BCAS1: variants seen among roughly 807,000 people sequenced by gnomAD.
The protein encoded by BCAS1 is brain enriched myelin associated protein 1, also known as breast carcinoma-amplified sequence 1.
A neutral mutation model predicts 65.4 loss-of-function variants in BCAS1; 46 were observed. That is an observed-to-expected ratio of 0.70 (90% confidence interval 0.55 to 0.90). The LOEUF is 0.90. BCAS1 is among the 40% of genes least tolerant of loss of function. BCAS1 has a pLI of 0.00. For missense variants in BCAS1, 793 were observed against 771.2 expected, an observed-to-expected ratio of 1.03 and a Z score of -0.33; for synonymous variants, 298 against 293.5, an observed-to-expected ratio of 1.02 and a Z score of -0.16.
rs773216599 is a variant in BCAS1 at position 53,995,891 on chromosome 20, C to A, written c.882+1G>T. 21 of 1,595,106 alleles carry A rather than the reference C, an allele frequency of 1.3e-5. No homozygotes were observed. Among genetic ancestry groups the A allele is most frequent in the Non-Finnish European group, 1.7e-5 (20 of 1,170,722 alleles). On this transcript the variant is annotated splice_donor_variant, in intron 5 of 12. Coordinates refer to ENST00000688948, the MANE Select transcript of BCAS1 (RefSeq NM_001366298.2). LOFTEE classifies it high-confidence loss of function. ...GGGGAAAAGAGGAGAAAACTGCTTA[C>A]CAGAGTTTTAAAGAAACTCATGATG...
intron 3 of BCAS1, among the ~76,000 whole-genome samples, chr20:54,039,311 AG>A (rs2091950571): frequency 6.6e-6 from 1 of 151,598 alleles, no homozygotes; most frequent in Non-Finnish European, 1.5e-5. Context: ...GTCTTTGCCA[AG>A]AAATTCTAGC....
intron 9 of BCAS1, among the ~76,000 whole-genome samples, chr20:53,973,806 AAGGAAGGAAGG>A (rs1276460165): frequency 2.6e-5 from 4 of 152,154 alleles, no homozygotes; most frequent in Non-Finnish European, 5.9e-5. Context: ...GAAAAGAAGG[AAGGAAGGAAGG>A]AGGAAGGAAG....
At position 53,977,273 on chromosome 20, in the gene BCAS1, A is replaced by G. The variant is rs561458760; in HGVS notation, c.1276-1843T>C. ...AATTTGAGATGAGATTTGGGTGGGG[A>G]CACAGCCAAACCATATCAGATACTT... On this transcript the variant is annotated intron_variant, in intron 8 of 12. Transcript: ENST00000688948. 5.4e-4 allele frequency among the ~76,000 whole-genome samples: 83 copies of G among 152,300 alleles called. 1 individual carries two copies. Among genetic ancestry groups the G allele is most frequent in the Non-Finnish European group, 9.6e-4 (65 of 68,026 alleles).
chr20:54,041,134 A>G (rs2091983203), intron 3 of BCAS1, among the ~76,000 whole-genome samples: 1 of 151,394 alleles, frequency 6.6e-6, no homozygotes, highest in South Asian at 2.1e-4. Flanking sequence ...AGGCAAATCC[A>G]TAGAGGCAGA....
At chr20:53,946,297 G>A (rs765157285) in intron 12 of BCAS1, among the ~76,000 whole-genome samples, 1 of 151,686 alleles carries the variant, frequency 6.6e-6, no homozygotes, top group Non-Finnish European at 1.5e-5. Flanking sequence ...GGCAAGCACC[G>A]ATCTGTTTTC....
chr20:54,039,422 G>A (rs2091952821), intron 3 of BCAS1, among the ~76,000 whole-genome samples: 1 of 151,524 alleles, frequency 6.6e-6, no homozygotes, highest in Non-Finnish European at 1.5e-5. Context: ...GGAAATGCTG[G>A]ATTCCAAAGG....
intron 3 of BCAS1, among the ~76,000 whole-genome samples, chr20:54,030,936 A>T (rs1232578814): frequency 6.6e-6 from 1 of 151,512 alleles, no homozygotes; most frequent in Non-Finnish European, 1.5e-5. Flanking sequence ...TGGATGCATC[A>T]GGGTGTAAAG....
In BCAS1 at chr20:53,944,789, CTTAATTTCTAGGCAGAATTTCAT is replaced by C; in HGVS notation, c.*110_*132del. On this transcript the variant is annotated 3_prime_UTR_variant, in exon 13 of 13. Transcript: ENST00000688948. The stretch of plus-strand genomic sequence containing the variant: ...ACACCTCAATATACAACAGCTCGGG[CTTAATTTCTAGGCAGAATTTCAT>C]TTGCTGGCCATCAGAAGAATATATA... 2.3e-6 allele frequency: 2 copies of C among 880,800 alleles called. No individual in the cohort carries two copies. Among genetic ancestry groups the C allele is most frequent in the Admixed American group, 1.7e-5 (1 of 57,726 alleles). The allele number at this position is 880,800 out of a possible 1,614,324, so 54.6% of individuals were successfully genotyped here. A position where few individuals can be genotyped will look rare whatever the true frequency, so the allele number is the denominator to read the frequency against.
chr20:53,968,519 C>T (rs1190072425), intron 9 of BCAS1, among the ~76,000 whole-genome samples: 1 of 152,246 alleles, frequency 6.6e-6, no homozygotes, highest in South Asian at 2.1e-4. Flanking sequence ...AACCCTTAGT[C>T]TCTGTATTGC....
chr20:54,055,363 G>C (rs538976902), intron 3 of BCAS1, among the ~76,000 whole-genome samples: 40 of 152,266 alleles, frequency 2.6e-4, no homozygotes, highest in Non-Finnish European at 5.0e-4. Flanking sequence ...GGCTGGGGAG[G>C]CCTCAGAATC....
intron 4 of BCAS1, among the ~76,000 whole-genome samples, chr20:54,022,063 TAA>T (rs2091571704): frequency 6.6e-6 from 1 of 152,042 alleles, no homozygotes. Flanking sequence ...TGAAGCACAA[TAA>T]AGAGAGGTAC....
At chr20:53,966,298 GA>G (rs1345077112) in intron 10 of BCAS1, among the ~76,000 whole-genome samples, 1 of 152,186 alleles carries the variant, frequency 6.6e-6, no homozygotes, top group Non-Finnish European at 1.5e-5. Context: ...TACTCAGCCA[GA>G]AAAAGGAATG....
Position 53,975,357 on chromosome 20 carries a change from G to A in BCAS1, c.1317+32C>T, listed in dbSNP as rs547574150. On this transcript the variant is annotated intron_variant, in intron 9 of 12. Transcript: ENST00000688948. ...GTACAACATGGCGGAAGATGAGAAT[G>A]GAATGATTCTGCCGTGGTGTGTGTA... is the stretch of plus-strand genomic sequence containing the variant. 1.4e-5 allele frequency: 22 copies of A among 1,598,846 alleles called. No homozygotes were observed. In the East Asian group the frequency reaches 3.6e-4, roughly 26 times the overall value.
chr20:53,959,085 T>C (rs1011636472), intron 10 of BCAS1, among the ~76,000 whole-genome samples: 1 of 152,266 alleles, frequency 6.6e-6, no homozygotes, highest in African/African-American at 2.4e-5. Flanking sequence ...CTCTTCTTTA[T>C]TTTTGATATT....
At chr20:54,016,720 C>T (rs2091445583) in intron 4 of BCAS1, among the ~76,000 whole-genome samples, 1 of 152,166 alleles carries the variant, frequency 6.6e-6, no homozygotes, top group Non-Finnish European at 1.5e-5. Flanking sequence ...ACCAAGAAAT[C>T]TAGATTTCCA....
At chr20:54,046,430 G>A (rs2092106869) in intron 3 of BCAS1, among the ~76,000 whole-genome samples, 2 of 151,382 alleles carry the variant, frequency 1.3e-5, no homozygotes, top group Admixed American at 6.6e-5. Flanking sequence ...TTGGGAGGCT[G>A]AGGCAGGAGA....
intron 1 of BCAS1, among the ~76,000 whole-genome samples, chr20:54,063,156 C>A (rs2092396385): frequency 6.6e-6 from 1 of 152,262 alleles, no homozygotes; most frequent in Admixed American, 6.5e-5. Flanking sequence ...CGTATGCCAG[C>A]CCAGTGCTGA....
At chr20:53,989,770 C>T (rs1256201581) in intron 7 of BCAS1, among the ~76,000 whole-genome samples, 1 of 152,142 alleles carries the variant, frequency 6.6e-6, no homozygotes, top group Non-Finnish European at 1.5e-5. Flanking sequence ...TTTTCAGAGG[C>T]AATCTCATGA....
At chr20:54,027,064 T>C (rs2146085986) in intron 4 of BCAS1, among the ~76,000 whole-genome samples, 1 of 152,344 alleles carries the variant, frequency 6.6e-6, no homozygotes, top group South Asian at 2.1e-4. Flanking sequence ...TTTTAAATTA[T>C]ACGGAAAGTT....
Sources: allele counts gnomAD v4.1 joint callset (sites outside exome capture counted in the v4.1 genomes callset), GRCh38; gene constraint gnomAD v4.1.1; transcripts MANE v1.5; gene names NCBI Gene and HGNC (gene_info 2026-07-23, HGNC 2026-07-21).